SGCZ: variants seen among roughly 807,000 people sequenced by gnomAD.
SGCZ encodes zeta-sarcoglycan.
In SGCZ, 40 loss-of-function variants were observed where a neutral mutation model predicts 41.3. The ratio of observed to expected loss-of-function variants is 0.97; its 90% confidence interval spans 0.75 to 1.26. SGCZ has a LOEUF of 1.26. Among genes scored for constraint, SGCZ ranks in the 50% most tolerant of loss-of-function variants. The pLI is 0.00. For missense variants in SGCZ, 552 were observed against 369.8 expected (o/e 1.49, Z -4.04); for synonymous variants, 206 against 137.5 (o/e 1.50, Z -3.49).
intron 2 of SGCZ, among the ~76,000 whole-genome samples, chr8:14,457,876 T>C (rs1264561837): frequency 6.6e-6 from 1 of 152,064 alleles, no homozygotes; most frequent in African/African-American, 2.4e-5. Context: ...CCACTACCGG[T>C]CTCCGCGCAT....
intron 5 of SGCZ, among the ~76,000 whole-genome samples, chr8:14,154,713 T>C (rs926513090): frequency 3.9e-5 from 6 of 152,278 alleles, no homozygotes; most frequent in South Asian, 4.1e-4. Context: ...GTAGAGGCTG[T>C]TTCAGAAAAT....
chr8:14,463,405 TAAAA>T (rs55785142), intron 2 of SGCZ, among the ~76,000 whole-genome samples: 1 of 128,430 alleles, frequency 7.8e-6, no homozygotes, highest in Non-Finnish European at 1.7e-5. Context: ...ACAAGTGGTG[TAAAA>T]AAAAAAAAAA....
intron 1 of SGCZ, among the ~76,000 whole-genome samples, chr8:14,711,598 T>G (rs1372510524): frequency 1.2e-5 from 1 of 80,290 alleles, no homozygotes; most frequent in Non-Finnish European, 2.4e-5. Context: ...TGAGACTCTG[T>G]AAAAAAAAAA....
chr8:15,051,908 A>G (rs967682381), intron 1 of SGCZ, among the ~76,000 whole-genome samples: 1 of 152,214 alleles, frequency 6.6e-6, no homozygotes, highest in African/African-American at 2.4e-5. Flanking sequence ...GAGATAGCAC[A>G]ATTTGGGCGC....
chr8:14,290,300 C>T (rs1239140544), intron 3 of SGCZ, among the ~76,000 whole-genome samples: 1 of 144,626 alleles, frequency 6.9e-6, no homozygotes, highest in African/African-American at 2.5e-5. Context: ...TGTATGAAAC[C>T]AGAGGTACAT....
At chr8:14,772,550 G>T (rs1800276580) in intron 1 of SGCZ, among the ~76,000 whole-genome samples, 2 of 149,564 alleles carry the variant, frequency 1.3e-5, no homozygotes, top group South Asian at 4.3e-4. Flanking sequence ...TTAGCATTAG[G>T]TATATCTCCT....
At chr8:14,175,252 C>T (rs555457739) in intron 4 of SGCZ, among the ~76,000 whole-genome samples, 3 of 151,616 alleles carry the variant, frequency 2.0e-5, no homozygotes, top group Non-Finnish European at 2.9e-5. Context: ...CCTGAGAGAA[C>T]GAATCATGAA....
intron 3 of SGCZ, among the ~76,000 whole-genome samples, chr8:14,270,632 T>C (rs1800026151): frequency 6.6e-6 from 1 of 152,184 alleles, no homozygotes; most frequent in South Asian, 2.1e-4. Flanking sequence ...TATACCTTTC[T>C]TCCTTAAAAT....
chr8:14,241,288 A>G (rs1798871989), intron 3 of SGCZ, among the ~76,000 whole-genome samples: 1 of 151,796 alleles, frequency 6.6e-6, no homozygotes, highest in African/African-American at 2.4e-5. Flanking sequence ...CTTGCTGAGA[A>G]GATAAAGGAG....
chr8:14,885,147 C>T (rs1425360087), intron 1 of SGCZ, among the ~76,000 whole-genome samples: 4 of 152,134 alleles, frequency 2.6e-5, no homozygotes, highest in African/African-American at 7.2e-5. Context: ...CTGAATATTT[C>T]TGCTTTGTAT....
intron 1 of SGCZ, among the ~76,000 whole-genome samples, chr8:14,660,875 T>G (rs1269541488): frequency 6.6e-6 from 1 of 152,140 alleles, no homozygotes; most frequent in African/African-American, 2.4e-5. Flanking sequence ...GAAACTGAAC[T>G]TTTATATAGA....
chr8:15,228,447 A>G (rs147193903), intron 1 of SGCZ, among the ~76,000 whole-genome samples: 1 of 152,236 alleles, frequency 6.6e-6, no homozygotes. Flanking sequence ...GATGAAATAC[A>G]ATATATAAAA....
intron 1 of SGCZ, among the ~76,000 whole-genome samples, chr8:15,117,542 G>A (rs552493121): frequency 3.3e-4 from 50 of 152,236 alleles, no homozygotes; most frequent in Non-Finnish European, 3.7e-4. Context: ...TATTAGCTGT[G>A]TGATATTGAG....
chr8:14,278,329 GTATAT>G (rs1323008325), intron 3 of SGCZ, among the ~76,000 whole-genome samples: 1 of 152,022 alleles, frequency 6.6e-6, no homozygotes, highest in African/African-American at 2.4e-5. Context: ...CTATATGTCT[GTATAT>G]TATATAACAT....
chr8:14,194,047 A>C (rs1005909385), intron 4 of SGCZ, among the ~76,000 whole-genome samples: 2 of 151,404 alleles, frequency 1.3e-5, no homozygotes, highest in African/African-American at 2.4e-5. Context: ...ATATATTGAA[A>C]CAAATAACAT....
At chr8:14,402,313 T>G (rs950976208) in intron 2 of SGCZ, among the ~76,000 whole-genome samples, 59 of 151,638 alleles carry the variant, frequency 3.9e-4, no homozygotes, top group African/African-American at 1.4e-3. Context: ...TTTGTCAATT[T>G]TGTCTTTTGT....
At chr8:14,788,775 C>G (rs1448196198) in intron 1 of SGCZ, among the ~76,000 whole-genome samples, 1 of 152,128 alleles carries the variant, frequency 6.6e-6, no homozygotes, top group Non-Finnish European at 1.5e-5. Flanking sequence ...TAGCTTCCTG[C>G]CAGCCTCCCG....
intron 4 of SGCZ, among the ~76,000 whole-genome samples, chr8:14,228,750 A>T (rs1015062555): frequency 3.9e-5 from 6 of 152,102 alleles, no homozygotes; most frequent in Non-Finnish European, 8.8e-5. Context: ...ACCCTCATTT[A>T]TATACCCTCA....
chr8:15,065,943 T>C (rs2131019296), intron 1 of SGCZ, among the ~76,000 whole-genome samples: 1 of 152,350 alleles, frequency 6.6e-6, no homozygotes. Flanking sequence ...ATTTCACGTC[T>C]TCCTTTTTAA....
Sources: gnomAD v4.1 joint callset for allele counts (sites outside exome capture counted in the v4.1 genomes callset) on GRCh38, gnomAD v4.1.1 for gene constraint, MANE v1.5 for transcripts, NCBI Gene and HGNC (gene_info 2026-07-23, HGNC 2026-07-21) for gene names.